Variants in ABCC5 observed in about 807,000 individuals in gnomAD.
The protein encoded by ABCC5 is ATP binding cassette subfamily C member 5, also known as ATP-binding cassette sub-family C member 5.
Under a neutral mutation model 160.9 loss-of-function variants are expected in ABCC5, and 61 were observed. The observed-to-expected ratio is 0.38, with a 90% CI of 0.31 to 0.47. The LOEUF is 0.47. ABCC5 is among the 20% of genes least tolerant of loss of function. The probability of loss-of-function intolerance (pLI) is 0.99; values close to 1 mark genes in which losing one functional copy is unlikely to be tolerated. For synonymous variants in ABCC5, 666 were observed against 700.6 expected, an observed-to-expected ratio of 0.95 and a Z score of 0.78; for missense variants, 1,308 against 1,813.3, an observed-to-expected ratio of 0.72 and a Z score of 5.06.
In ABCC5 at chr3:183,963,503, T is replaced by A. The variant is rs1212514652; in HGVS notation, c.2117A>T (p.Tyr706Phe). The A allele has an allele frequency of 6.2e-7, 1 of 1,614,224 alleles. No homozygotes were observed. The highest frequency in any genetic ancestry group is 1.3e-5 in the African/African-American group (1 of 75,058). Residue 706 changes from tyrosine (Y) to phenylalanine (F), a missense_variant, in exon 15 of 30, where the codon TAC becomes TTC. Tyr to Phe is a conservative substitution (Grantham distance 22). Transcript: ENST00000334444. The surrounding 1 kb of genome is among the most constrained non-coding windows in gnomAD (Gnocchi z 4.6). ...ARALYSDRSIYILDDPLSALD... is the reference protein window; with the variant it reads ...ARALYSDRSIFILDDPLSALD... Reference sequence around the variant, plus strand: ...GGCACTGAGGGGGTCGTCCAGGATGTAGATGCTCCTGTCACTATACAAGGC... The same window carrying A: ...GGCACTGAGGGGGTCGTCCAGGATGAAGATGCTCCTGTCACTATACAAGGC...
chr3:183,925,206 T>C (rs1712415099), intron 29 of ABCC5, among the ~76,000 whole-genome samples: 1 of 152,232 alleles, frequency 6.6e-6, no homozygotes, highest in South Asian at 2.1e-4. Context: ...GATAATTGTG[T>C]ATGTGAATGA....
intron 11 of ABCC5, 29 bp downstream of exon 11, chr3:183,971,534 G>T (rs1026310059): frequency 1.9e-6 from 3 of 1,598,054 alleles, no homozygotes; most frequent in Non-Finnish European, 2.6e-6. Context: ...GTGGGGTGCG[G>T]GCAGGGAGGC....
chr3:183,993,754 T>C (rs1241447184), intron 2 of ABCC5, among the ~76,000 whole-genome samples: 1 of 152,166 alleles, frequency 6.6e-6, no homozygotes, highest in African/African-American at 2.4e-5. Context: ...AAATTTGCCA[T>C]TTTAGCCATT....
At chr3:183,922,979 C>T (rs559178747) in intron 29 of ABCC5, among the ~76,000 whole-genome samples, 1 of 152,318 alleles carries the variant, frequency 6.6e-6, no homozygotes, top group South Asian at 2.1e-4. Flanking sequence ...AAAATCCCAT[C>T]CTCCAAACCC....
At chr3:183,990,091 C>T (rs1719612834) in intron 2 of ABCC5, among the ~76,000 whole-genome samples, 2 of 151,826 alleles carry the variant, frequency 1.3e-5, no homozygotes, top group East Asian at 1.9e-4. Context: ...GCATGAGCCA[C>T]CGCGCCCGGC....
chr3:183,936,013 C>T (rs1232964568), intron 26 of ABCC5, among the ~76,000 whole-genome samples: 2 of 152,058 alleles, frequency 1.3e-5, no homozygotes, highest in East Asian at 3.8e-4. Flanking sequence ...GTTTGTGTGC[C>T]CCTAGAATTA....
Position 183,928,737 on chromosome 3 carries a change from C to T in ABCC5, c.3933+10G>A. On this transcript the variant is annotated intron_variant, in intron 27 of 29. Transcript: ENST00000334444. ...ATCTCAGCACGGCTTCCCCTAAGCT[C>T]TTCACTTACACATTCTTTCATGTGT... 3 of 1,613,566 alleles carry T rather than the reference C, an allele frequency of 1.9e-6. No homozygotes were observed. The highest frequency in any genetic ancestry group is 2.5e-6 in the Non-Finnish European group (3 of 1,179,524).
intron 23 of ABCC5, 130 bp from the exon 24 acceptor site, chr3:183,946,069 A>T: frequency 1.2e-6 from 1 of 824,720 alleles, no homozygotes; most frequent in Non-Finnish European, 2.1e-6. Context: ...TTAGGGACCT[A>T]GTCATTCTCT....
intron 11 of ABCC5, among the ~76,000 whole-genome samples, chr3:183,970,983 T>C (rs1277867967): frequency 6.6e-6 from 1 of 152,198 alleles, no homozygotes; most frequent in East Asian, 1.9e-4. Context: ...GACCTGTGAA[T>C]ATGGTGCTGG....
chr3:183,959,752 T>C lies in ABCC5; in HGVS notation c.2463A>G (p.Lys821=). 6.2e-7 allele frequency: 1 copy of C among 1,610,520 alleles called. No homozygotes were observed. The highest frequency in any genetic ancestry group is 8.5e-7 in the Non-Finnish European group (1 of 1,178,608). ...CATTACCTTCCTCTGGCTTTACTGCTTTTTCCTTCTTTACTGATCCTGTTT... is the reference window on the plus strand; with the variant it reads ...CATTACCTTCCTCTGGCTTTACTGCCTTTTCCTTCTTTACTGATCCTGTTT... ...GPKTGSVKKE[K]AVKPEEGQLV... The change falls in exon 17 of 30, where the codon AAA becomes AAG. Residue 821 remains lysine (K), a synonymous_variant. Transcript: ENST00000334444.
intron 8 of ABCC5, among the ~76,000 whole-genome samples, chr3:183,979,231 G>A (rs918461917): frequency 6.6e-6 from 1 of 152,076 alleles, no homozygotes; most frequent in African/African-American, 2.4e-5. Context: ...TATGATCCCA[G>A]CTACTTGGGA....
At position 183,989,383 on chromosome 3, in the gene ABCC5, A is replaced by G. The variant is rs761119206; in HGVS notation, c.130T>C (p.Leu44=). The change falls in exon 3 of 30, where the codon TTG becomes CTG. Residue 44 remains leucine, a splice_region_variant and synonymous_variant. Coordinates refer to ENST00000334444, the MANE Select transcript of ABCC5 (RefSeq NM_005688.4). The part of the protein sequence containing the change: ...EDSKFRRTRP[L]ECQDALETAA... ...GTTTCCAAGGCATCTTGGCATTCCA[A>G]CTGTTCCAGCAGATAGGGAGAAAGG... The G allele has an allele frequency of 6.2e-7, 1 of 1,613,554 alleles. No individual in the cohort carries two copies. The highest frequency in any genetic ancestry group is 1.3e-5 in the African/African-American group (1 of 74,828).
In ABCC5 at chr3:183,951,805, C is replaced by G; in HGVS notation, c.2814+52G>C. 6.3e-7 allele frequency: 1 copy of G among 1,592,414 alleles called. No individual in the cohort carries two copies. The highest frequency in any genetic ancestry group is 8.6e-7 in the Non-Finnish European group (1 of 1,167,938). ...TGAACTGAGAGACGCCACACCAAAGCCTGACCACAGGTCACCAGGGAGGAG... is the reference window on the plus strand; with the variant it reads ...TGAACTGAGAGACGCCACACCAAAGGCTGACCACAGGTCACCAGGGAGGAG... On this transcript the variant is annotated intron_variant, in intron 19 of 29. Transcript: ENST00000334444. This position sits in a 1 kb window ranked among gnomAD's most constrained non-coding sequence, Gnocchi z 4.7.
intron 25 of ABCC5, among the ~76,000 whole-genome samples, chr3:183,939,078 C>T (rs551076718): frequency 2.0e-5 from 3 of 152,220 alleles, no homozygotes; most frequent in African/African-American, 2.4e-5. Flanking sequence ...CACTTCCTTT[C>T]GGTCTTTCCT....
At position 184,017,182 on chromosome 3, in the gene ABCC5, T is replaced by C. The variant is rs1203799846; in HGVS notation, c.-56+648A>G. 6.6e-6 allele frequency among the ~76,000 whole-genome samples: 1 copy of C among 152,062 alleles called. No individual in the cohort carries two copies. The highest frequency in any genetic ancestry group is 2.4e-5 in the African/African-American group (1 of 41,382). On this transcript the variant is annotated intron_variant, in intron 1 of 29. Coordinates refer to ENST00000334444, the MANE Select transcript of ABCC5 (RefSeq NM_005688.4). The surrounding 1 kb of genome is among the most constrained non-coding windows in gnomAD (Gnocchi z 4.5). ...CTGTGCAGAAACCAAATGGCCCCTG[T>C]GTGATAAACACAAAGCCACCCGCGG...
chr3:183,966,069 T>G (rs542950366), intron 12 of ABCC5, among the ~76,000 whole-genome samples: 2 of 152,346 alleles, frequency 1.3e-5, no homozygotes, highest in African/African-American at 2.4e-5. Flanking sequence ...TGTGTTCAGT[T>G]GCAATGGTTT....
At chr3:184,005,841 T>C (rs1256870109) in intron 2 of ABCC5, among the ~76,000 whole-genome samples, 1 of 151,950 alleles carries the variant, frequency 6.6e-6, no homozygotes, top group Non-Finnish European at 1.5e-5. Context: ...CAATATTTCA[T>C]TGAAAAAGTT....
At chr3:183,974,633 A>G (rs531484734) in intron 10 of ABCC5, among the ~76,000 whole-genome samples, 10 of 152,288 alleles carry the variant, frequency 6.6e-5, no homozygotes, top group Middle Eastern at 3.4e-3. Flanking sequence ...TTCCAGAAAA[A>G]CAATAATAAT....
intron 12 of ABCC5, 48 bp from the exon 13 acceptor site, chr3:183,965,549 C>A (rs1379457594): frequency 6.2e-7 from 1 of 1,603,850 alleles, no homozygotes. Flanking sequence ...AAAACCATCA[C>A]CCTATGCCAA....
Sources: allele counts gnomAD v4.1 joint callset (sites outside exome capture counted in the v4.1 genomes callset), GRCh38; gene constraint gnomAD v4.1.1; non-coding constraint Gnocchi (gnomAD v3.1); transcripts MANE v1.5; gene names NCBI Gene and HGNC (gene_info 2026-07-23, HGNC 2026-07-21).